Variants in CFAP251 observed in about 807,000 individuals in gnomAD.
The protein encoded by CFAP251 is cilia and flagella associated protein 251.
A neutral mutation model predicts 126.7 loss-of-function variants in CFAP251; 93 were observed. That is an observed-to-expected ratio of 0.73 (90% CI 0.62 to 0.87). The LOEUF (loss-of-function observed/expected upper bound fraction) is 0.87. Among genes scored for constraint, CFAP251 ranks in the 40% least tolerant of loss-of-function variants. The pLI is 0.00. For synonymous variants in CFAP251, 503 were observed against 506.9 expected (o/e 0.99, Z 0.10); for missense variants, 1,287 against 1,389.2 (o/e 0.93, Z 1.17).
At position 121,983,405 on chromosome 12, in the gene CFAP251, A is replaced by G. The variant is rs570134094; in HGVS notation, c.3006+7720A>G. The stretch of plus-strand genomic sequence containing the variant: ...GGGCACCATAGCTCTCCAAAAAAAA[A>G]AAAAAAAGGTAAGGAAGTGTCTAAT... On this transcript the variant is annotated intron_variant, in intron 19 of 21. Transcript: ENST00000288912. 1.4e-3 allele frequency among the ~76,000 whole-genome samples: 219 copies of G among 152,212 alleles called. 2 individuals carry two copies. Among genetic ancestry groups the G allele is most frequent in the South Asian group, 3.1e-3 (15 of 4,820 alleles).
At chr12:122,001,745 T>C in intron 21 of CFAP251, 147 bp downstream of exon 21, 1 of 685,738 alleles carries the variant, frequency 1.5e-6, no homozygotes, top group Middle Eastern at 3.9e-4. Context: ...CCCACATGAA[T>C]AAGTTATGAA....
chr12:121,969,634 T>C (rs1413280493), intron 17 of CFAP251: 14 of 749,060 alleles, frequency 1.9e-5, no homozygotes, highest in Non-Finnish European at 2.1e-5. Flanking sequence ...CACAGGCATA[T>C]GCCAATGTGC....
At chr12:121,921,224 C>T (rs1880156455) in intron 1 of CFAP251, 62 bp from the exon 2 acceptor site, 1 of 1,490,804 alleles carries the variant, frequency 6.7e-7, no homozygotes. Context: ...TAGGTTAGTG[C>T]ACTAGGAGAT....
intron 5 of CFAP251, among the ~76,000 whole-genome samples, chr12:121,938,031 G>T (rs938762458): frequency 6.6e-6 from 1 of 152,146 alleles, no homozygotes; most frequent in Non-Finnish European, 1.5e-5. Flanking sequence ...GTGAGACAGG[G>T]TCTCACTCTA....
intron 19 of CFAP251, among the ~76,000 whole-genome samples, chr12:121,980,562 G>A (rs1298914986): frequency 2.6e-5 from 4 of 151,892 alleles, no homozygotes; most frequent in African/African-American, 9.7e-5. Context: ...TGGCCAGACG[G>A]GTCTCAAACT....
chr12:121,969,441 A>G, intron 17 of CFAP251: 1 of 985,322 alleles, frequency 1.0e-6, no homozygotes, highest in Non-Finnish European at 1.2e-6. Flanking sequence ...GCCTGGAACC[A>G]TGGGGGCAAG....
In CFAP251 at chr12:121,921,548, T is replaced by G; in HGVS notation, c.243T>G (p.Ala81=). 1 of 1,613,560 alleles carries G rather than the reference T, an allele frequency of 6.2e-7. No individual in the cohort carries two copies. The change falls in exon 2 of 22, where the codon GCT becomes GCG. Residue 81 remains alanine, a synonymous_variant. Coordinates refer to ENST00000288912, the MANE Select transcript of CFAP251 (RefSeq NM_144668.6). ...KIVMEETEEK[A]GEVQEKEASG... The stretch of plus-strand genomic sequence containing the variant: ...TCATGGAAGAAACTGAGGAAAAGGC[T>G]GGAGAAGTCCAAGAGAAGGAGGCTT...
intron 3 of CFAP251, among the ~76,000 whole-genome samples, chr12:121,929,270 G>A (rs974801844): frequency 6.1e-5 from 9 of 148,568 alleles, no homozygotes; most frequent in Non-Finnish European, 8.9e-5. Context: ...GCAGTGAGCC[G>A]AGATCATGCC....
chr12:121,954,322 C>A lies in CFAP251; in HGVS notation c.1523C>A (p.Thr508Asn), dbSNP rs767221965. The change falls in exon 10 of 22, where the codon ACC becomes AAC. Residue 508 changes from threonine (T) to asparagine (N), a missense_variant. Transcript: ENST00000288912. Reference sequence around the variant, plus strand: ...CAGAAAGAGGGTATCACGGTACTTACCACAATTGATAGGTAATTTTAACTT... The same window carrying A: ...CAGAAAGAGGGTATCACGGTACTTAACACAATTGATAGGTAATTTTAACTT... ...HLQKEGITVL[T>N]TIDSYIVTGD... 1.2e-6 allele frequency: 2 copies of A among 1,609,134 alleles called. No individual in the cohort carries two copies. The highest frequency in any genetic ancestry group is 1.3e-5 in the African/African-American group (1 of 74,700).
chr12:121,929,449 G>A (rs1394270715), intron 3 of CFAP251, among the ~76,000 whole-genome samples: 1 of 151,860 alleles, frequency 6.6e-6, no homozygotes, highest in East Asian at 1.9e-4. Flanking sequence ...CTGGATGAGT[G>A]TGGTTCATCC....
At chr12:121,940,893 G>A (rs1881084518) in intron 5 of CFAP251, among the ~76,000 whole-genome samples, 1 of 151,492 alleles carries the variant, frequency 6.6e-6, no homozygotes, top group Non-Finnish European at 1.5e-5. Context: ...ACATACACAC[G>A]CACACACACA....
chr12:121,958,848 T>G, intron 12 of CFAP251, 95 bp from the exon 13 acceptor site: 2 of 1,406,714 alleles, frequency 1.4e-6, no homozygotes, highest in Non-Finnish European at 1.9e-6. Flanking sequence ...TGTTAGTTGC[T>G]GTCTTCTCCG....
intron 19 of CFAP251, chr12:121,992,651 C>A: frequency 2.8e-6 from 1 of 362,000 alleles, no homozygotes; most frequent in Non-Finnish European, 3.8e-6. Flanking sequence ...AATCACGGCT[C>A]AGTGCAGCCT....
At chr12:121,933,976 T>G (rs1057212299) in intron 4 of CFAP251, among the ~76,000 whole-genome samples, 2 of 152,024 alleles carry the variant, frequency 1.3e-5, no homozygotes, top group Non-Finnish European at 2.9e-5. Context: ...TATCCTCCAC[T>G]TGGGTTGGGA....
At chr12:121,929,056 C>A (rs1206638732) in intron 3 of CFAP251, among the ~76,000 whole-genome samples, 1 of 152,138 alleles carries the variant, frequency 6.6e-6, no homozygotes, top group East Asian at 1.9e-4. Flanking sequence ...GGAGCAGTGG[C>A]TCATGCCTGT....
chr12:121,958,807 C>G (rs904692390), intron 12 of CFAP251, 136 bp from the exon 13 acceptor site: 1 of 1,140,838 alleles, frequency 8.8e-7, no homozygotes, highest in African/African-American at 1.6e-5. Flanking sequence ...TCACGCGTTT[C>G]GGTTCATTTC....
At chr12:121,978,498 G>A (rs1203043586) in intron 19 of CFAP251, among the ~76,000 whole-genome samples, 2 of 141,558 alleles carry the variant, frequency 1.4e-5, no homozygotes, top group African/African-American at 2.7e-5. Context: ...GAATTATAAA[G>A]AAGAAAATAG....
intron 19 of CFAP251, chr12:121,997,821 A>G (rs1883055557): frequency 6.7e-6 from 1 of 148,958 alleles, no homozygotes. Context: ...GCGCCATCTC[A>G]GCTCACTACA....
intron 17 of CFAP251, chr12:121,968,902 C>T: frequency 7.1e-6 from 7 of 985,394 alleles, no homozygotes; most frequent in Non-Finnish European, 8.4e-6. Flanking sequence ...TGCTTATGAG[C>T]TCAGAATCTT....
Sources: allele counts gnomAD v4.1 joint callset (sites outside exome capture counted in the v4.1 genomes callset), GRCh38; gene constraint gnomAD v4.1.1; transcripts MANE v1.5; gene names NCBI Gene and HGNC (gene_info 2026-07-23, HGNC 2026-07-21).